TTPA: variants seen among roughly 807,000 people sequenced by gnomAD.
TTPA encodes the protein alpha-tocopherol transfer protein.
TTPA carries 23 observed loss-of-function variants against 25.9 expected under a neutral mutation model. The observed-to-expected ratio is 0.89, with a 90% CI of 0.64 to 1.26. TTPA has a LOEUF of 1.26. Among genes scored for constraint, TTPA ranks in the 50% most tolerant of loss-of-function variants. The pLI, the probability that TTPA is intolerant of heterozygous loss-of-function variation, is 0.00. For synonymous variants in TTPA, 148 were observed against 137.3 expected (o/e 1.08, Z -0.54); for missense variants, 337 against 353.1 (o/e 0.95, Z 0.37).
At chr8:63,082,309 A>G (rs1032860983) in intron 1 of TTPA, among the ~76,000 whole-genome samples, 1 of 152,314 alleles carries the variant, frequency 6.6e-6, no homozygotes, top group African/African-American at 2.4e-5. Flanking sequence ...GACCAATGGA[A>G]CAGAACAGAG....
At chr8:63,061,860 T>C (rs1048178594) in intron 4 of TTPA, among the ~76,000 whole-genome samples, 2 of 152,286 alleles carry the variant, frequency 1.3e-5, no homozygotes, top group African/African-American at 4.8e-5. Context: ...ATTAAATCTA[T>C]GAGAAACAAT....
At chr8:63,069,488 G>C (rs1805448957) in intron 2 of TTPA, among the ~76,000 whole-genome samples, 1 of 152,102 alleles carries the variant, frequency 6.6e-6, no homozygotes. Flanking sequence ...CCAGCACTTT[G>C]TGGGTCTGAT....
Position 63,086,042 on chromosome 8 carries a change from C to T in TTPA, c.-21G>A. The T allele has an allele frequency of 7.2e-7, 1 of 1,395,508 alleles. No homozygotes were observed. The highest frequency in any genetic ancestry group is 1.5e-5 in the South Asian group (1 of 65,248). 86.4% of individuals were successfully genotyped at this position (1,395,508 alleles called of 1,614,324 possible). On this transcript the variant is annotated 5_prime_UTR_variant, in exon 1 of 5. Transcript: ENST00000260116. ...GCCATGCCCGCCGCCGCTGCTGCGG[C>T]CGCAGCTACCCGGGCACCCGGGAAA...
At chr8:63,083,807 A>T (rs1392083026) in intron 1 of TTPA, among the ~76,000 whole-genome samples, 8 of 152,068 alleles carry the variant, frequency 5.3e-5, no homozygotes, top group Non-Finnish European at 1.5e-5. Flanking sequence ...ATTGTGTTTG[A>T]TAATACAGTG....
chr8:63,058,994 G>A (rs1245973467), downstream of TTPA, among the ~76,000 whole-genome samples: 1 of 96,098 alleles, frequency 1.0e-5, no homozygotes, highest in Non-Finnish European at 2.3e-5. Flanking sequence ...ACTTTAAAGT[G>A]TTTTTTAGAA....
intron 1 of TTPA, among the ~76,000 whole-genome samples, chr8:63,082,656 C>G (rs1170090481): frequency 6.6e-6 from 1 of 152,168 alleles, no homozygotes; most frequent in Non-Finnish European, 1.5e-5. Flanking sequence ...TCTAATTAAA[C>G]TAAAGAGCTT....
intron 1 of TTPA, among the ~76,000 whole-genome samples, chr8:63,078,861 G>A (rs1805614457): frequency 6.6e-6 from 1 of 152,128 alleles, no homozygotes; most frequent in African/African-American, 2.4e-5. Flanking sequence ...TCCTCGAGAA[G>A]AGCAACCCCA....
chr8:63,067,555 A>AG (rs1418239716), intron 2 of TTPA, among the ~76,000 whole-genome samples: 1 of 151,726 alleles, frequency 6.6e-6, no homozygotes, highest in African/African-American at 2.4e-5. Context: ...AAAAAAAAAA[A>AG]CAACAAAAGT....
intron 1 of TTPA, among the ~76,000 whole-genome samples, chr8:63,083,132 A>C (rs984395710): frequency 6.6e-6 from 1 of 152,238 alleles, no homozygotes; most frequent in Non-Finnish European, 1.5e-5. Context: ...CAATCCCATT[A>C]CTGGGTATAT....
intron 3 of TTPA, among the ~76,000 whole-genome samples, chr8:63,065,188 T>G (rs1016532556): frequency 6.6e-6 from 1 of 152,200 alleles, no homozygotes; most frequent in Non-Finnish European, 1.5e-5. Flanking sequence ...TCTTTGTGTA[T>G]AGGAGAAGTG....
At chr8:63,071,477 G>A (rs1387162121) in intron 2 of TTPA, among the ~76,000 whole-genome samples, 3 of 152,054 alleles carry the variant, frequency 2.0e-5, no homozygotes, top group Non-Finnish European at 2.9e-5. Context: ...CTTCAACTGG[G>A]CCATGAGAAA....
Position 63,084,613 on chromosome 8 carries a change from C to T in TTPA, c.204+1205G>A, listed in dbSNP as rs370008294. ...AGAAAGGCAAAATAGAAATCACACA[C>T]AAACATGCTTGTGCAACCTCTGGCT... On this transcript the variant is annotated intron_variant, in intron 1 of 4. Transcript: ENST00000260116. Among the ~76,000 whole-genome samples the T allele has an allele frequency of 5.9e-5, 9 of 152,318 alleles. No homozygotes were observed. In the East Asian group the frequency reaches 7.7e-4, roughly 13 times the overall value.
intron 1 of TTPA, 149 bp from the exon 2 acceptor site, chr8:63,073,237 A>G (rs1585691526): frequency 2.8e-6 from 2 of 706,184 alleles, no homozygotes; most frequent in East Asian, 2.7e-5. Context: ...GTGAAAACTG[A>G]AAGTTCTTTT....
In TTPA at chr8:63,061,035, A is replaced by T; in HGVS notation, c.*217T>A. The stretch of plus-strand genomic sequence containing the variant: ...GCCGATTTTTATGCTCTTAAAATGT[A>T]CTGACATTTAATTACTTCAAAAGTA... On this transcript the variant is annotated 3_prime_UTR_variant, in exon 5 of 5. Transcript: ENST00000260116. 2.0e-6 allele frequency: 1 copy of T among 509,170 alleles called. No individual in the cohort carries two copies. 31.5% of individuals were successfully genotyped at this position (509,170 alleles called of 1,614,324 possible). A position where few individuals can be genotyped will look rare whatever the true frequency, so the allele number is the denominator to read the frequency against.
chr8:63,085,660 C>CA (rs1229438854), intron 1 of TTPA, among the ~76,000 whole-genome samples, 158 bp downstream of exon 1: 2 of 152,230 alleles, frequency 1.3e-5, no homozygotes, highest in East Asian at 3.9e-4. Flanking sequence ...GGAACATCTA[C>CA]AGCCTCAGCG....
In TTPA at chr8:63,064,294, C is replaced by T. The variant is rs121917850; in HGVS notation, c.575G>A (p.Arg192His). The change falls in exon 4 of 5, where the codon CGT becomes CAT. Residue 192 changes from arginine (R) to histidine (H), a missense_variant. Arg to His is a conservative substitution (Grantham distance 29). Coordinates refer to ENST00000260116, the MANE Select transcript of TTPA (RefSeq NM_000370.3). Reference protein sequence around the residue: ...VLTDSFPLKVRGIHLINEPVI... With the variant: ...VLTDSFPLKVHGIHLINEPVI... ...TGGTTCATTTATCAAATGGATGCCA[C>T]GAACTTTCAATGGAAATGAATCCTT... 130 of 1,612,170 alleles carry T rather than the reference C, an allele frequency of 8.1e-5. No individual in the cohort carries two copies. Among genetic ancestry groups the T allele is most frequent in the Non-Finnish European group, 9.6e-5 (113 of 1,178,964 alleles).
intron 4 of TTPA, among the ~76,000 whole-genome samples, chr8:63,062,547 A>G (rs938200380): frequency 6.6e-6 from 1 of 152,174 alleles, no homozygotes; most frequent in Admixed American, 6.5e-5. Flanking sequence ...TTATCAGGTA[A>G]TTGAGAAGAA....
Position 63,067,635 on chromosome 8 carries a change from CA to C in TTPA, c.359-1539del, listed in dbSNP as rs540309161. ...TTATTTTCAACTTTTATTTTAGATT[CA>C]GGGGGTGCATGTGCAGATTTGTTAC... On this transcript the variant is annotated intron_variant, in intron 2 of 4. Coordinates refer to ENST00000260116, the MANE Select transcript of TTPA (RefSeq NM_000370.3). Among the ~76,000 whole-genome samples, 863 of 150,770 alleles carry C rather than the reference CA, an allele frequency of 5.7e-3. 9 individuals are homozygous for C. Among genetic ancestry groups the C allele is most frequent in the African/African-American group, 0.02 (831 of 41,062 alleles).
At chr8:63,069,226 C>T (rs1805444709) in intron 2 of TTPA, among the ~76,000 whole-genome samples, 1 of 151,548 alleles carries the variant, frequency 6.6e-6, no homozygotes, top group Non-Finnish European at 1.5e-5. Flanking sequence ...GAACAATCAA[C>T]CCATGGATAA....
Sources: gnomAD v4.1 joint callset for allele counts (sites outside exome capture counted in the v4.1 genomes callset) on GRCh38, gnomAD v4.1.1 for gene constraint, MANE v1.5 for transcripts, NCBI Gene and HGNC (gene_info 2026-07-23, HGNC 2026-07-21) for gene names.